The following GALNTL6 variants were observed in gnomAD, a reference collection of about 807,000 sequenced individuals.
GALNTL6 encodes the protein polypeptide N-acetylgalactosaminyltransferase like 6, also known as polypeptide N-acetylgalactosaminyltransferase-like 6.
GALNTL6 carries 46 observed loss-of-function variants against 73.7 expected under a neutral mutation model. The ratio of observed to expected loss-of-function variants is 0.62; its 90% CI spans 0.49 to 0.80. GALNTL6 has a LOEUF of 0.80. GALNTL6 is among the 30% of genes least tolerant of loss of function. The probability of loss-of-function intolerance (pLI) is 0.00; values close to 1 mark genes in which losing one functional copy is unlikely to be tolerated. For missense variants in GALNTL6, 604 were observed against 755.0 expected, an observed-to-expected ratio of 0.80 and a Z score of 2.34; for synonymous variants, 259 against 263.7, an observed-to-expected ratio of 0.98 and a Z score of 0.17.
At chr4:172,124,319 C>T (rs918369375) in intron 2 of GALNTL6, among the ~76,000 whole-genome samples, 2 of 152,094 alleles carry the variant, frequency 1.3e-5, no homozygotes, top group Admixed American at 6.5e-5. Flanking sequence ...CTCTATAGGA[C>T]AAGAGTTCCA....
chr4:172,150,577 A>G (rs1216558071), intron 2 of GALNTL6, among the ~76,000 whole-genome samples: 1 of 152,190 alleles, frequency 6.6e-6, no homozygotes, highest in African/African-American at 2.4e-5. Context: ...TGTTGCATAG[A>G]AAGGAAATAG....
intron 5 of GALNTL6, among the ~76,000 whole-genome samples, chr4:172,748,658 G>A (rs7438724): frequency 0.5 from 75,749 of 151,816 alleles, 20,295 homozygotes; most frequent in East Asian, 0.73. Flanking sequence ...ACAAAGTTAC[G>A]CTTAGGAGGA....
At chr4:172,846,568 A>G (rs1460657828) in intron 7 of GALNTL6, among the ~76,000 whole-genome samples, 2 of 152,192 alleles carry the variant, frequency 1.3e-5, no homozygotes, top group Non-Finnish European at 2.9e-5. Flanking sequence ...TAATATGGCA[A>G]AGAAAAATGA....
intron 2 of GALNTL6, among the ~76,000 whole-genome samples, chr4:171,930,529 C>A (rs1300123767): frequency 6.6e-6 from 1 of 152,114 alleles, no homozygotes; most frequent in East Asian, 1.9e-4. Context: ...AAGCTAGCAG[C>A]TTTTTCTTTA....
chr4:172,012,355 A>G (rs1470765554), intron 2 of GALNTL6, among the ~76,000 whole-genome samples: 1 of 151,918 alleles, frequency 6.6e-6, no homozygotes, highest in Non-Finnish European at 1.5e-5. Context: ...TCCAGGGTCT[A>G]CTCTCTAGGC....
At chr4:172,393,846 A>T (rs535549457) in intron 5 of GALNTL6, among the ~76,000 whole-genome samples, 3 of 152,300 alleles carry the variant, frequency 2.0e-5, no homozygotes, top group African/African-American at 7.2e-5. Context: ...AGAATTCAAA[A>T]AATGGTGTCG....
At chr4:172,162,381 G>A (rs998080155) in intron 2 of GALNTL6, among the ~76,000 whole-genome samples, 11 of 151,922 alleles carry the variant, frequency 7.2e-5, no homozygotes, top group African/African-American at 2.7e-4. Context: ...TAGGATGCCA[G>A]AAACTTCTAG....
intron 5 of GALNTL6, among the ~76,000 whole-genome samples, chr4:172,394,430 T>TC (rs1386082252): frequency 8.2e-5 from 9 of 109,670 alleles, no homozygotes; most frequent in African/African-American, 2.4e-4. Context: ...TTCTTCTTCT[T>TC]TTTTTTTTTT....
At chr4:172,898,219 ATTT>A (rs1370071572) in intron 8 of GALNTL6, among the ~76,000 whole-genome samples, 3 of 151,714 alleles carry the variant, frequency 2.0e-5, no homozygotes, top group Non-Finnish European at 4.4e-5. Context: ...CATATGAACA[ATTT>A]TTTTATTATT....
intron 5 of GALNTL6, among the ~76,000 whole-genome samples, chr4:172,532,599 G>A (rs1735203581): frequency 6.6e-6 from 1 of 152,214 alleles, no homozygotes; most frequent in African/African-American, 2.4e-5. Flanking sequence ...TGTATTTTTG[G>A]TTTAGATTCA....
At chr4:172,090,788 G>C (rs1455887867) in intron 2 of GALNTL6, among the ~76,000 whole-genome samples, 2 of 152,112 alleles carry the variant, frequency 1.3e-5, no homozygotes, top group Non-Finnish European at 2.9e-5. Flanking sequence ...GTCCTGAATG[G>C]TATTGCCTAG....
chr4:172,041,895 T>A (rs1742094445), intron 2 of GALNTL6, among the ~76,000 whole-genome samples: 1 of 152,072 alleles, frequency 6.6e-6, no homozygotes, highest in Non-Finnish European at 1.5e-5. Flanking sequence ...GTTATGCCAT[T>A]TCCAAGTTTA....
intron 2 of GALNTL6, among the ~76,000 whole-genome samples, chr4:172,196,213 C>A (rs1204750377): frequency 6.6e-6 from 1 of 152,040 alleles, no homozygotes; most frequent in Non-Finnish European, 1.5e-5. Flanking sequence ...TGGTTAAATT[C>A]CTGAACACAT....
At chr4:172,313,255 A>G (rs1158309095) in intron 4 of GALNTL6, among the ~76,000 whole-genome samples, 2 of 151,676 alleles carry the variant, frequency 1.3e-5, no homozygotes, top group South Asian at 2.1e-4. Flanking sequence ...CCTCCCGAGT[A>G]GCTGGGACTA....
chr4:171,923,516 G>T (rs1297265814), intron 2 of GALNTL6, among the ~76,000 whole-genome samples: 3 of 149,738 alleles, frequency 2.0e-5, no homozygotes, highest in Admixed American at 6.7e-5. Context: ...TGTTGTCTCA[G>T]CCTCCAGAGT....
intron 2 of GALNTL6, among the ~76,000 whole-genome samples, chr4:172,122,093 T>G (rs561479265): frequency 6.6e-6 from 1 of 151,426 alleles, no homozygotes; most frequent in African/African-American, 2.4e-5. Flanking sequence ...ACCAATAGAT[T>G]ACATAGAGCA....
intron 3 of GALNTL6, among the ~76,000 whole-genome samples, chr4:172,287,570 A>G (rs1482157837): frequency 6.6e-6 from 1 of 152,210 alleles, no homozygotes; most frequent in East Asian, 1.9e-4. Context: ...TTAATAGAGG[A>G]AAAAATGTAC....
chr4:172,868,506 A>G (rs1037255341), intron 7 of GALNTL6, among the ~76,000 whole-genome samples: 11 of 152,236 alleles, frequency 7.2e-5, no homozygotes, highest in Non-Finnish European at 1.5e-4. Context: ...TGCTTTTAAG[A>G]TGCATACTAT....
intron 3 of GALNTL6, among the ~76,000 whole-genome samples, chr4:172,308,193 A>C (rs1215683589): frequency 6.6e-6 from 1 of 150,798 alleles, no homozygotes; most frequent in African/African-American, 2.4e-5. Flanking sequence ...CTGGTAAATG[A>C]ATTCAGTAAA....
Sources: gnomAD v4.1 joint callset for allele counts (sites outside exome capture counted in the v4.1 genomes callset) on GRCh38, gnomAD v4.1.1 for gene constraint, MANE v1.5 for transcripts, NCBI Gene and HGNC (gene_info 2026-07-23, HGNC 2026-07-21) for gene names.